The following SNTG1 variants were observed in gnomAD, a reference collection of about 807,000 sequenced individuals.
The protein encoded by SNTG1 is syntrophin gamma 1, also known as gamma-1-syntrophin.
Under a neutral mutation model 74.7 loss-of-function variants are expected in SNTG1, and 39 were observed. That is an observed-to-expected ratio of 0.52 (90% CI 0.40 to 0.68). SNTG1 has a LOEUF of 0.68. Ranked by LOEUF, SNTG1 falls within the 30% of genes least tolerant of loss-of-function variation. The pLI is 0.00. For synonymous variants in SNTG1, 254 were observed against 217.1 expected, an observed-to-expected ratio of 1.17 and a Z score of -1.49; for missense variants, 685 against 609.5, an observed-to-expected ratio of 1.12 and a Z score of -1.30.
At chr8:50,448,493 A>AGT (rs1027218632) in intron 5 of SNTG1, among the ~76,000 whole-genome samples, 2 of 152,158 alleles carry the variant, frequency 1.3e-5, no homozygotes, top group African/African-American at 4.8e-5. Context: ...AGATAGAACA[A>AGT]CCTCAATGGA....
At chr8:50,747,061 CA>C (rs1305315893) in intron 17 of SNTG1, among the ~76,000 whole-genome samples, 1 of 150,982 alleles carries the variant, frequency 6.6e-6, no homozygotes, top group Non-Finnish European at 1.5e-5. Context: ...GAGGTATAGT[CA>C]AAAAACCTTA....
intron 1 of SNTG1, among the ~76,000 whole-genome samples, chr8:50,067,262 T>A (rs1327923926): frequency 6.6e-6 from 1 of 152,238 alleles, no homozygotes; most frequent in African/African-American, 2.4e-5. Context: ...GCTTTTTTTT[T>A]ACCAGTTTAT....
At chr8:50,756,322 T>A (rs1240865573) in intron 18 of SNTG1, among the ~76,000 whole-genome samples, 1 of 151,782 alleles carries the variant, frequency 6.6e-6, no homozygotes, top group East Asian at 2.0e-4. Flanking sequence ...TAAAAAGTCA[T>A]CGCAAAAGTG....
intron 1 of SNTG1, among the ~76,000 whole-genome samples, chr8:50,060,582 G>A (rs925561328): frequency 6.6e-6 from 1 of 151,816 alleles, no homozygotes; most frequent in African/African-American, 2.4e-5. Context: ...GGCTTAACTT[G>A]GAACTTCTTG....
At chr8:50,621,458 T>C (rs2131046620) in intron 13 of SNTG1, among the ~76,000 whole-genome samples, 1 of 152,332 alleles carries the variant, frequency 6.6e-6, no homozygotes, top group Non-Finnish European at 1.5e-5. Flanking sequence ...CAGACAAATT[T>C]AAACAGACTT....
intron 2 of SNTG1, among the ~76,000 whole-genome samples, chr8:50,275,027 C>CT (rs764819318): frequency 4.6e-5 from 7 of 151,678 alleles, no homozygotes; most frequent in Admixed American, 6.6e-5. Context: ...TGCAGTTTTC[C>CT]TTTTTTTTAT....
intron 2 of SNTG1, among the ~76,000 whole-genome samples, chr8:50,328,346 C>G (rs2090833276): frequency 1.3e-5 from 2 of 152,098 alleles, no homozygotes; most frequent in Admixed American, 1.3e-4. Flanking sequence ...ATATTTCACT[C>G]CACTCTTCTT....
At chr8:50,666,818 C>CT (rs1251727822) in intron 15 of SNTG1, among the ~76,000 whole-genome samples, 3 of 151,828 alleles carry the variant, frequency 2.0e-5, no homozygotes, top group South Asian at 4.1e-4. Flanking sequence ...GAAAAAATAA[C>CT]TTTTTAAAAT....
chr8:50,675,116 T>G (rs2095304161), intron 15 of SNTG1, among the ~76,000 whole-genome samples: 1 of 152,120 alleles, frequency 6.6e-6, no homozygotes, highest in Admixed American at 6.6e-5. Context: ...AAATGCCAAG[T>G]GGCATTCAGA....
intron 13 of SNTG1, among the ~76,000 whole-genome samples, chr8:50,655,910 C>G (rs1226085036): frequency 6.6e-6 from 1 of 152,162 alleles, no homozygotes; most frequent in Non-Finnish European, 1.5e-5. Context: ...AGGTGTTAAG[C>G]TGAGCTCTGG....
At chr8:50,740,465 CA>C (rs2095540477) in intron 17 of SNTG1, among the ~76,000 whole-genome samples, 1 of 149,122 alleles carries the variant, frequency 6.7e-6, no homozygotes, top group Non-Finnish European at 1.5e-5. Flanking sequence ...CCATTAGAAA[CA>C]AAACAAAACA....
chr8:50,085,356 C>A (rs903467384), intron 1 of SNTG1, among the ~76,000 whole-genome samples: 1 of 152,126 alleles, frequency 6.6e-6, no homozygotes, highest in African/African-American at 2.4e-5. Flanking sequence ...TCTTCTCTTC[C>A]TTCTATACTA....
chr8:50,109,280 A>G (rs775358123), intron 1 of SNTG1, among the ~76,000 whole-genome samples: 9 of 152,232 alleles, frequency 5.9e-5, no homozygotes, highest in Non-Finnish European at 1.3e-4. Flanking sequence ...AAATATTTAA[A>G]TGTACAAGGA....
At chr8:50,600,746 T>G (rs2094766991) in intron 13 of SNTG1, among the ~76,000 whole-genome samples, 1 of 152,142 alleles carries the variant, frequency 6.6e-6, no homozygotes, top group Admixed American at 6.6e-5. Context: ...AACTTTTCAC[T>G]TTGTTATCTT....
chr8:50,382,644 A>AT (rs1278034880), intron 2 of SNTG1, among the ~76,000 whole-genome samples: 14 of 152,138 alleles, frequency 9.2e-5, no homozygotes, highest in East Asian at 1.9e-4. Context: ...CAATATTTCA[A>AT]TTTTTTTAAA....
intron 1 of SNTG1, among the ~76,000 whole-genome samples, chr8:50,082,411 CT>C (rs931923847): frequency 2.6e-5 from 4 of 152,050 alleles, no homozygotes; most frequent in African/African-American, 9.7e-5. Context: ...TTTTTGTTGT[CT>C]TGTTTGGTTG....
chr8:50,233,642 T>C (rs2085743366), intron 2 of SNTG1, among the ~76,000 whole-genome samples: 2 of 151,364 alleles, frequency 1.3e-5, no homozygotes, highest in South Asian at 4.1e-4. Flanking sequence ...AAAAAATAGC[T>C]TCAAACCACA....
chr8:50,522,009 A>G (rs1166192063), intron 9 of SNTG1, among the ~76,000 whole-genome samples: 2 of 152,156 alleles, frequency 1.3e-5, no homozygotes, highest in Non-Finnish European at 2.9e-5. Context: ...AATCATGAGT[A>G]TTCTTAATAG....
In SNTG1 at chr8:50,791,129, G is replaced by T. The variant is rs2095689601; in HGVS notation, c.1396-1542G>T. On this transcript the variant is annotated intron_variant, in intron 18 of 18. Coordinates refer to ENST00000642720, the MANE Select transcript of SNTG1 (RefSeq NM_018967.5). ...AAGATAGAGAAAGTATTTAAAATGT[G>T]TTTGGGAAATAAACTGGCTACACCA... is the stretch of plus-strand genomic sequence containing the variant. Among the ~76,000 whole-genome samples the T allele has an allele frequency of 2.6e-5, 4 of 151,900 alleles. No homozygotes were observed. The South Asian group carries it at 6.2e-4, about 24-fold the overall frequency.
Sources: allele counts gnomAD v4.1 joint callset (sites outside exome capture counted in the v4.1 genomes callset), GRCh38; gene constraint gnomAD v4.1.1; transcripts MANE v1.5; gene names NCBI Gene and HGNC (gene_info 2026-07-23, HGNC 2026-07-21).